ITGB7: variants seen among roughly 807,000 people sequenced by gnomAD.
ITGB7 encodes the protein integrin subunit beta 7.
ITGB7 carries 55 observed loss-of-function variants against 83.4 expected under a neutral mutation model. The ratio of observed to expected loss-of-function variants is 0.66; its 90% CI spans 0.53 to 0.83. The LOEUF (loss-of-function observed/expected upper bound fraction) is 0.83, where lower values mean the gene tolerates loss of function less well. Ranked by LOEUF, ITGB7 falls within the 40% of genes least tolerant of loss-of-function variation. The pLI is 0.00. For synonymous variants in ITGB7, 454 were observed against 423.6 expected (o/e 1.07, Z -0.88); for missense variants, 921 against 1,046.7 (o/e 0.88, Z 1.66).
intron 10 of ITGB7, 49 bp from the exon 11 acceptor site, chr12:53,193,950 A>G (rs1333007630): frequency 2.0e-6 from 3 of 1,532,732 alleles, no homozygotes; most frequent in South Asian, 2.4e-5. Flanking sequence ...GCACACACAC[A>G]TACCCCAAAC....
intron 13 of ITGB7, 50 bp downstream of exon 13, chr12:53,192,641 A>G: frequency 1.2e-6 from 2 of 1,600,784 alleles, no homozygotes; most frequent in Admixed American, 1.7e-5. Context: ...GAGTAGCTCA[A>G]CAAGCCCCAC....
At chr12:53,196,288 CCTCA>C in intron 6 of ITGB7, 89 bp from the exon 7 acceptor site, 1 of 1,479,124 alleles carries the variant, frequency 6.8e-7, no homozygotes, top group Non-Finnish European at 9.3e-7. Flanking sequence ...ATGTGGCCAG[CCTCA>C]CTCTGAGTCA....
intron 5 of ITGB7, chr12:53,197,289 G>A (rs560151487): frequency 6.1e-6 from 4 of 653,410 alleles, no homozygotes; most frequent in Non-Finnish European, 1.1e-5. Context: ...CCTGTAAAAC[G>A]GATAGTCTCT....
chr12:53,206,366 G>A (rs1942443518), intron 1 of ITGB7, among the ~76,000 whole-genome samples: 1 of 152,010 alleles, frequency 6.6e-6, no homozygotes, highest in South Asian at 2.1e-4. Context: ...ATTCCATGAG[G>A]CCAGGGTCAC....
chr12:53,206,795 G>T (rs185743014), intron 1 of ITGB7: 3 of 152,484 alleles, frequency 2.0e-5, no homozygotes, highest in Non-Finnish European at 2.9e-5. Context: ...CGATTAGGAA[G>T]AAGTCTGAGC....
At position 53,197,739 on chromosome 12, in the gene ITGB7, C is replaced by G; in HGVS notation, c.403+11G>C. The G allele has an allele frequency of 3.8e-6, 6 of 1,584,182 alleles. No homozygotes were observed. Among genetic ancestry groups the G allele is most frequent in the Non-Finnish European group, 4.3e-6 (5 of 1,166,306 alleles). ...TAGACCTCTGGCCTGGCCCCGCCTC[C>G]CCTAACTCACCAGGCCGCAGCGTGA... On this transcript the variant is annotated intron_variant, in intron 4 of 15. Transcript: ENST00000267082.
intron 10 of ITGB7, 42 bp downstream of exon 10, chr12:53,194,156 C>A (rs758014106): frequency 9.9e-6 from 16 of 1,612,118 alleles, no homozygotes; most frequent in Non-Finnish European, 1.4e-5. Context: ...CCCACTCCCA[C>A]CTCCCCCTGC....
chr12:53,197,273 C>G (rs534803703), intron 5 of ITGB7: 7 of 634,774 alleles, frequency 1.1e-5, no homozygotes, highest in Non-Finnish European at 2.0e-5. Flanking sequence ...GACGCTGGGT[C>G]TCAGGCCTGT....
In ITGB7 at chr12:53,191,410, C is replaced by T; in HGVS notation, c.*146G>A. ...CATGGGAAGCAGCCCTCTTGGGTGT[C>T]ACTCTGAAAATGAAGTAGGGTGGTG... is the stretch of plus-strand genomic sequence containing the variant. On this transcript the variant is annotated 3_prime_UTR_variant, in exon 16 of 16. Coordinates refer to ENST00000267082, the MANE Select transcript of ITGB7 (RefSeq NM_000889.3). 1.4e-6 allele frequency: 1 copy of T among 694,358 alleles called. No homozygotes were observed. Among genetic ancestry groups the T allele is most frequent in the East Asian group, 2.6e-5 (1 of 38,022 alleles). The allele number at this position is 694,358 out of a possible 1,614,324, so 43.0% of individuals were successfully genotyped here. A position where few individuals can be genotyped will look rare whatever the true frequency, so the allele number is the denominator to read the frequency against.
At chr12:53,202,665 T>G (rs1301529539) in intron 1 of ITGB7, among the ~76,000 whole-genome samples, 2 of 149,742 alleles carry the variant, frequency 1.3e-5, no homozygotes, top group African/African-American at 4.9e-5. Flanking sequence ...CAGCTGAAAC[T>G]CCATCTTTAA....
intron 6 of ITGB7, 43 bp downstream of exon 6, chr12:53,196,536 C>T (rs778713467): frequency 6.3e-7 from 1 of 1,580,090 alleles, no homozygotes; most frequent in Non-Finnish European, 8.6e-7. Context: ...AGTCCTGTTC[C>T]CAAACAGACC....
At position 53,196,630 on chromosome 12, in the gene ITGB7, C is replaced by T; in HGVS notation, c.765G>A (p.Leu255=). 4 of 1,613,388 alleles carry T rather than the reference C, an allele frequency of 2.5e-6. No homozygotes were observed. Among genetic ancestry groups the T allele is most frequent in the Non-Finnish European group, 3.4e-6 (4 of 1,179,618 alleles). ...CATCGAAGCCACCTTCAGGCGAGTCCAGATTGCCGGACACACTCTGGCGCC... is the reference window on the plus strand; with the variant it reads ...CATCGAAGCCACCTTCAGGCGAGTCTAGATTGCCGGACACACTCTGGCGCC... ...EVGRQSVSGN[L]DSPEGGFDAI... Residue 255 remains leucine (L), a synonymous_variant, in exon 6 of 16, where the codon CTG becomes CTA. Coordinates refer to ENST00000267082, the MANE Select transcript of ITGB7 (RefSeq NM_000889.3).
At position 53,193,768 on chromosome 12, in the gene ITGB7, G is replaced by C; in HGVS notation, c.1442C>G (p.Thr481Ser). ...ACTGCAGTGGGGAGCCTGGGGCTGG[G>C]TGTCACTGCAATTACAGTCACACAG... ...HTLCDCNCSD[T>S]QPQAPHCSDG... The change falls in exon 11 of 16, where the codon ACC becomes AGC. Residue 481 changes from threonine (T) to serine (S), a missense_variant. By Grantham distance (58) the Thr-to-Ser change is moderately conservative. Transcript: ENST00000267082. 1 of 1,614,072 alleles carries C rather than the reference G, an allele frequency of 6.2e-7. No individual in the cohort carries two copies. The highest frequency in any genetic ancestry group is 1.3e-5 in the African/African-American group (1 of 74,996).
intron 3 of ITGB7, 38 bp from the exon 4 acceptor site, chr12:53,197,989 G>A: frequency 2.7e-6 from 4 of 1,503,736 alleles, no homozygotes; most frequent in Non-Finnish European, 2.7e-6. Flanking sequence ...ACCCGGTCCT[G>A]CATAGGCCCT....
intron 1 of ITGB7, among the ~76,000 whole-genome samples, chr12:53,203,668 A>AAAAG (rs1271457527): frequency 1.2e-4 from 16 of 137,404 alleles, no homozygotes; most frequent in South Asian, 5.6e-4. Context: ...AAAAAAAAAA[A>AAAAG]AAAGAAAGAA....
At chr12:53,191,669 A>T in intron 15 of ITGB7, 33 bp from the exon 16 acceptor site, 1 of 1,592,058 alleles carries the variant, frequency 6.3e-7, no homozygotes, top group Non-Finnish European at 8.6e-7. Context: ...ATAAGCAAAA[A>T]TCCCAGGATT....
intron 14 of ITGB7, 118 bp from the exon 15 acceptor site, chr12:53,192,137 A>G: frequency 7.4e-7 from 1 of 1,344,672 alleles, no homozygotes. Context: ...AAGGGAACCC[A>G]GGGAGGTCCA....
rs148430145 is a variant in ITGB7 at position 53,192,442 on chromosome 12, A to G, written c.2043T>C (p.Pro681=). The G allele has an allele frequency of 4.1e-4, 660 of 1,614,104 alleles. 3 individuals are homozygous for G. The African/African-American group carries it at 7.4e-3, about 18-fold the overall frequency. ...CTTTGCACCAGCCATCATCCAAGAT[A>G]GGGGCCAAGGCCAGGGTCACATTGG... ...AHTNVTLALA[P]ILDDGWCKER... The change falls in exon 14 of 16, where the codon CCT becomes CCC. Residue 681 remains proline, a synonymous_variant. Coordinates refer to ENST00000267082, the MANE Select transcript of ITGB7 (RefSeq NM_000889.3).
rs781632104 is a variant in ITGB7 at position 53,191,901 on chromosome 12, G to C, written c.2274C>G (p.Tyr758Ter). 6.2e-7 allele frequency: 1 copy of C among 1,612,628 alleles called. No individual in the cohort carries two copies. The highest frequency in any genetic ancestry group is 2.2e-5 in the East Asian group (1 of 44,874). ...GTTGCTGCTCCTTCTCAAAGCGACT[G>C]TATTCCCGGCGGTCATAGATTTCCA... ...LSVEIYDRRE[Y>*]SRFEKEQQQL... The change falls in exon 15 of 16, where the codon TAC (tyrosine) becomes TAG (stop). Residue 758 changes from tyrosine (Y) to a stop codon, truncating the protein, a stop_gained. Transcript: ENST00000267082. LOFTEE classifies it high-confidence loss of function.
Sources: gnomAD v4.1 joint callset for allele counts (sites outside exome capture counted in the v4.1 genomes callset) on GRCh38, gnomAD v4.1.1 for gene constraint, MANE v1.5 for transcripts, NCBI Gene and HGNC (gene_info 2026-07-23, HGNC 2026-07-21) for gene names.